CD74: variants seen among roughly 807,000 people sequenced by gnomAD.
The protein encoded by CD74 is CD74 molecule.
In CD74, 20 loss-of-function variants were observed where a neutral mutation model predicts 37.1. That is an observed-to-expected ratio of 0.54 (90% CI 0.38 to 0.78). CD74 has a LOEUF of 0.78. Among genes scored for constraint, CD74 ranks in the 30% least tolerant of loss-of-function variants. The pLI is 0.00. For synonymous variants in CD74, 150 were observed against 152.0 expected, an observed-to-expected ratio of 0.99 and a Z score of 0.10; for missense variants, 338 against 389.5, an observed-to-expected ratio of 0.87 and a Z score of 1.11.
chr5:150,401,785 G>A lies in CD74; in HGVS notation c.*455C>T. ...CCTTGGGGAGTGATGCTGGGGAAAG[G>A]GAAGAGAGTGGCTCAGCCTGCAGGT... On this transcript the variant is annotated 3_prime_UTR_variant, in exon 9 of 9. Transcript: ENST00000009530. 1.6e-6 allele frequency: 1 copy of A among 609,702 alleles called. No homozygotes were observed. Among genetic ancestry groups the A allele is most frequent in the South Asian group, 1.9e-5 (1 of 51,398 alleles). 37.8% of individuals were successfully genotyped at this position (609,702 alleles called of 1,614,324 possible).
At position 150,402,181 on chromosome 5, in the gene CD74, A is replaced by C; in HGVS notation, c.*59T>G. ...GGGGGAGGGGCTGGGGGCTGAAGGG[A>C]GCAAGAAAGCTGTAGCTGTGTGGGG... On this transcript the variant is annotated 3_prime_UTR_variant, in exon 9 of 9. Coordinates refer to ENST00000009530, the MANE Select transcript of CD74 (RefSeq NM_001025159.3). This position sits in a 1 kb window ranked among gnomAD's most constrained non-coding sequence, Gnocchi z 4.2. The C allele has an allele frequency of 6.3e-7, 1 of 1,579,736 alleles. No homozygotes were observed. Among genetic ancestry groups the C allele is most frequent in the Non-Finnish European group, 8.6e-7 (1 of 1,162,486 alleles).
chr5:150,410,521 A>G (rs1201919388), intron 1 of CD74, among the ~76,000 whole-genome samples: 2 of 152,130 alleles, frequency 1.3e-5, no homozygotes, highest in East Asian at 3.9e-4. Context: ...TAAATAAATT[A>G]CACTCAGTGC....
rs1439005281 is a variant in CD74, at chr5:150,412,134, T to C, written c.125+491A>G. Among the ~76,000 whole-genome samples the C allele has an allele frequency of 2.0e-5, 3 of 152,122 alleles. No homozygotes were observed. In the East Asian group the frequency reaches 5.8e-4, roughly 29 times the overall value. ...TGTACACCACCACATCTGGCTAATT[T>C]TTGTATTTTTAGTAGAGATGGGGTT... On this transcript the variant is annotated intron_variant, in intron 1 of 8. Transcript: ENST00000009530.
intron 4 of CD74, chr5:150,405,489 G>A (rs1233349908): frequency 1.8e-6 from 2 of 1,115,070 alleles, no homozygotes; most frequent in African/African-American, 3.2e-5. Flanking sequence ...GCTCCAGCAG[G>A]TGAGGACCCA....
chr5:150,407,250 G>A lies in CD74; in HGVS notation c.200C>T (p.Thr67Ile). 12 of 1,613,788 alleles carry A rather than the reference G, an allele frequency of 7.4e-6. No individual in the cohort carries two copies. Among genetic ancestry groups the A allele is most frequent in the Non-Finnish European group, 9.3e-6 (11 of 1,179,866 alleles). The change falls in exon 2 of 9, where the codon ACC becomes ATC. Residue 67 changes from threonine to isoleucine, a missense_variant. Transcript: ENST00000009530. This position sits in a 1 kb window ranked among gnomAD's most constrained non-coding sequence, Gnocchi z 4.4. ...CTGCTGCTGGTACAGGAAGTAGGCG[G>A]TGGTGGCCTGGCCAGCGAGGAGCAG... ...VTLLLAGQAT[T>I]AYFLYQQQGR... is the part of the protein sequence containing the mutation.
intron 6 of CD74, 79 bp downstream of exon 6, chr5:150,404,601 G>A (rs1381858844): frequency 2.5e-6 from 2 of 795,804 alleles, no homozygotes; most frequent in Non-Finnish European, 4.3e-6. Flanking sequence ...GGGAGTGCTG[G>A]AGGCCCCGGC....
chr5:150,406,083 CT>C, intron 4 of CD74, 175 bp downstream of exon 4: 1 of 572,610 alleles, frequency 1.7e-6, no homozygotes, highest in East Asian at 2.9e-5. Context: ...GCCTGTTTAT[CT>C]CAAAAATGCA....
Position 150,412,496 on chromosome 5 carries a change from A to G in CD74, c.125+129T>C, listed in dbSNP as rs991098610. On this transcript the variant is annotated intron_variant, in intron 1 of 8. Coordinates refer to ENST00000009530, the MANE Select transcript of CD74 (RefSeq NM_001025159.3). ...CCAAAGACTTGCTCAAAATCACCCA[A>G]AAAGTCAATGTTAGAGTCAGAGCCT... is the stretch of plus-strand genomic sequence containing the variant. 2.6e-5 allele frequency: 19 copies of G among 719,372 alleles called. No homozygotes were observed. In the Middle Eastern group the frequency reaches 1.2e-3, roughly 46 times the overall value. 44.6% of individuals were successfully genotyped at this position (719,372 alleles called of 1,614,324 possible).
intron 1 of CD74, among the ~76,000 whole-genome samples, chr5:150,411,397 A>C (rs549038003): frequency 6.6e-6 from 1 of 152,290 alleles, no homozygotes; most frequent in South Asian, 2.1e-4. Flanking sequence ...CCACAGCTCT[A>C]ATGGTCTGCA....
intron 1 of CD74, among the ~76,000 whole-genome samples, chr5:150,410,980 G>C (rs958460192): frequency 3.9e-5 from 6 of 152,184 alleles, no homozygotes; most frequent in African/African-American, 1.4e-4. Flanking sequence ...CTGAAAGGGG[G>C]CCAAATGGTG....
Position 150,407,054 on chromosome 5 carries a change from G to C in CD74, c.299-94C>G. On this transcript the variant is annotated intron_variant, in intron 2 of 8. Transcript: ENST00000009530. This position sits in a 1 kb window ranked among gnomAD's most constrained non-coding sequence, Gnocchi z 4.4. ...GGAAGGGCTGGAATTCCAAACCGGA[G>C]GGAGAGGACAGTGGGCCCAGCTGGG... 6.5e-7 allele frequency: 1 copy of C among 1,542,674 alleles called. No individual in the cohort carries two copies. The highest frequency in any genetic ancestry group is 8.9e-7 in the Non-Finnish European group (1 of 1,127,674).
intron 1 of CD74, among the ~76,000 whole-genome samples, chr5:150,408,910 G>A (rs1273599747): frequency 3.9e-5 from 6 of 152,144 alleles, no homozygotes; most frequent in African/African-American, 9.7e-5. Flanking sequence ...TCCACCATAT[G>A]AGGACACATC....
chr5:150,411,178 C>T (rs926406528), intron 1 of CD74, among the ~76,000 whole-genome samples: 2 of 152,106 alleles, frequency 1.3e-5, no homozygotes, highest in Non-Finnish European at 2.9e-5. Context: ...TTAGCCTTTA[C>T]GTATGTAAAT....
At position 150,403,292 on chromosome 5, in the gene CD74, C is replaced by G. The variant is rs2151170274; in HGVS notation, c.646G>C (p.Glu216Gln). 6.2e-7 allele frequency: 1 copy of G among 1,614,020 alleles called. No individual in the cohort carries two copies. The highest frequency in any genetic ancestry group is 8.5e-7 in the Non-Finnish European group (1 of 1,179,888). Residue 216 changes from glutamate (E) to glutamine (Q), a missense_variant, in exon 7 of 9, where the codon GAG becomes CAG. Transcript: ENST00000009530. This position sits in a 1 kb window ranked among gnomAD's most constrained non-coding sequence, Gnocchi z 4.5. ...PPKVLTKCQEEVSHIPAVHPG... is the reference protein window; with the variant it reads ...PPKVLTKCQEQVSHIPAVHPG... ...TGGACAGCAGGGATGTGGCTGACCT[C>G]TTCCTGGCACTTGGTCAGTACTGAA...
chr5:150,401,735 T>G lies in CD74; in HGVS notation c.*505A>C. On this transcript the variant is annotated 3_prime_UTR_variant, in exon 9 of 9. Coordinates refer to ENST00000009530, the MANE Select transcript of CD74 (RefSeq NM_001025159.3). ...GGGAACTAGGGGTCGGCAGAAAGGA[T>G]TATGGGTGGAAAACATTGGCTCTTC... 1.7e-6 allele frequency: 1 copy of G among 590,698 alleles called. No individual in the cohort carries two copies. Among genetic ancestry groups the G allele is most frequent in the African/African-American group, 1.9e-5 (1 of 53,728 alleles). 36.6% of individuals were successfully genotyped at this position (590,698 alleles called of 1,614,324 possible).
Position 150,404,403 on chromosome 5 carries a change from C to T in CD74, c.625+277G>A, listed in dbSNP as rs1769821904. On this transcript the variant is annotated intron_variant, in intron 6 of 8. Coordinates refer to ENST00000009530, the MANE Select transcript of CD74 (RefSeq NM_001025159.3). ...CCCCAGGCACCCTGTGCTGTACCAT[C>T]CTCTATGAGAGAGGTCACCTGTACC... is the stretch of plus-strand genomic sequence containing the variant. 9.0e-6 allele frequency: 4 copies of T among 445,002 alleles called. No individual in the cohort carries two copies. The Admixed American group carries it at 9.9e-5, about 11-fold the overall frequency. The allele number at this position is 445,002 out of a possible 1,614,324, so 27.6% of individuals were successfully genotyped here.
chr5:150,412,228 G>A (rs542710477), intron 1 of CD74, among the ~76,000 whole-genome samples: 1 of 152,336 alleles, frequency 6.6e-6, no homozygotes, highest in African/African-American at 2.4e-5. Context: ...GCCTCCCAAA[G>A]TGCTGGGATT....
In CD74 at chr5:150,407,625, G is replaced by A. The variant is rs1770057544; in HGVS notation, c.126-301C>T. 6.6e-6 allele frequency among the ~76,000 whole-genome samples: 1 copy of A among 152,168 alleles called. No individual in the cohort carries two copies. Among genetic ancestry groups the A allele is most frequent in the South Asian group, 2.1e-4 (1 of 4,834 alleles). Reference sequence around the variant, plus strand: ...AGAGGCATGCTCTTTGTCCTCTCTGGACCTTAGGGTCCTGCCTGTGCGATG... The same window carrying A: ...AGAGGCATGCTCTTTGTCCTCTCTGAACCTTAGGGTCCTGCCTGTGCGATG... On this transcript the variant is annotated intron_variant, in intron 1 of 8. Transcript: ENST00000009530. This position sits in a 1 kb window ranked among gnomAD's most constrained non-coding sequence, Gnocchi z 4.4.
chr5:150,406,991 C>A (rs758355473), intron 2 of CD74, 31 bp from the exon 3 acceptor site: 2 of 1,562,414 alleles, frequency 1.3e-6, no homozygotes, highest in Admixed American at 4.1e-5. Context: ...GTAAGTGTGG[C>A]CCCGGTGCCC....
Sources: gnomAD v4.1 joint callset for allele counts (sites outside exome capture counted in the v4.1 genomes callset) on GRCh38, gnomAD v4.1.1 for gene constraint, Gnocchi (gnomAD v3.1) non-coding constraint, MANE v1.5 for transcripts, NCBI Gene and HGNC (gene_info 2026-07-23, HGNC 2026-07-21) for gene names.